Variants in TMEM132C observed in about 807,000 individuals in gnomAD.
TMEM132C encodes the protein protein phosphatase 1, regulatory subunit 152.
Under a neutral mutation model 61.4 loss-of-function variants are expected in TMEM132C, and 29 were observed. That is an observed-to-expected ratio of 0.47 (90% CI 0.35 to 0.64). The LOEUF (loss-of-function observed/expected upper bound fraction) is 0.64. Ranked by LOEUF, TMEM132C falls within the 30% of genes least tolerant of loss-of-function variation. The probability of loss-of-function intolerance (pLI) is 0.00; values close to 1 mark genes in which losing one functional copy is unlikely to be tolerated. For synonymous variants in TMEM132C, 656 were observed against 633.1 expected (o/e 1.04, Z -0.54); for missense variants, 1,408 against 1,476.9 (o/e 0.95, Z 0.76).
At chr12:128,298,960 A>G (rs981713435) in intron 1 of TMEM132C, among the ~76,000 whole-genome samples, 1 of 152,052 alleles carries the variant, frequency 6.6e-6, no homozygotes, top group East Asian at 1.9e-4. Context: ...ATGTACTATC[A>G]TTTCCCCAGT....
intron 4 of TMEM132C, among the ~76,000 whole-genome samples, chr12:128,643,512 C>A (rs562673112): frequency 1.3e-3 from 202 of 151,966 alleles, no homozygotes; most frequent in African/African-American, 4.6e-3. Flanking sequence ...AGCGGCAAGT[C>A]ACATGCTCAG....
At position 128,508,144 on chromosome 12, in the gene TMEM132C, A is replaced by G. The variant is rs541569754; in HGVS notation, c.975-35813A>G. On this transcript the variant is annotated intron_variant, in intron 2 of 8. Transcript: ENST00000435159. ...AGGTTTAATGGACTCACAGTTCCAC[A>G]TGGCTGGGGAGGCCTCACGATCATG... 4.8e-3 allele frequency among the ~76,000 whole-genome samples: 729 copies of G among 152,300 alleles called. 7 individuals carry two copies. The highest frequency in any genetic ancestry group is 0.017 in the African/African-American group (694 of 41,568).
intron 1 of TMEM132C, among the ~76,000 whole-genome samples, chr12:128,363,726 T>C (rs1017730111): frequency 2.6e-5 from 4 of 151,370 alleles, no homozygotes; most frequent in African/African-American, 7.3e-5. Context: ...ATGCCTGTAG[T>C]CCCAGCTACT....
At chr12:128,315,440 A>C (rs1872120763) in intron 1 of TMEM132C, among the ~76,000 whole-genome samples, 1 of 152,058 alleles carries the variant, frequency 6.6e-6, no homozygotes, top group African/African-American at 2.4e-5. Flanking sequence ...TAAAATAAGG[A>C]AGAAAACCGC....
At chr12:128,622,360 A>AAAAAAAATATATATATAT (rs1277080166) in intron 4 of TMEM132C, among the ~76,000 whole-genome samples, 4 of 30,128 alleles carry the variant, frequency 1.3e-4, no homozygotes, top group Non-Finnish European at 1.6e-4. Context: ...AAAAAAAAAA[A>AAAAAAAATATATATATAT]ATATATATAT....
intron 2 of TMEM132C, among the ~76,000 whole-genome samples, chr12:128,487,603 G>GTATA (rs35552118): frequency 0.014 from 1,853 of 136,574 alleles, 24 homozygotes; most frequent in East Asian, 0.068. Context: ...GTGTGTGTGG[G>GTATA]TATATATATA....
intron 1 of TMEM132C, among the ~76,000 whole-genome samples, chr12:128,349,115 TG>T (rs1873260021): frequency 6.6e-6 from 1 of 152,200 alleles, no homozygotes; most frequent in Non-Finnish European, 1.5e-5. Flanking sequence ...GTGATTCTCC[TG>T]GCTCAGCCTC....
rs573129626 is a variant in TMEM132C, at chr12:128,488,695, A to G, written c.975-55262A>G. 3.0e-4 allele frequency among the ~76,000 whole-genome samples: 45 copies of G among 151,732 alleles called. 1 individual carries two copies. The highest frequency in any genetic ancestry group is 9.4e-4 in the African/African-American group (39 of 41,456). On this transcript the variant is annotated intron_variant, in intron 2 of 8. Coordinates refer to ENST00000435159, the MANE Select transcript of TMEM132C (RefSeq NM_001136103.3). ...ATAGAAAGATATTATAAATATTATA[A>G]TACTAAATATTGTATATTAATGTTA...
intron 2 of TMEM132C, among the ~76,000 whole-genome samples, chr12:128,435,340 G>A (rs1869545421): frequency 6.6e-6 from 1 of 152,122 alleles, no homozygotes; most frequent in Admixed American, 6.5e-5. Flanking sequence ...GTTTCAATTA[G>A]GAAAAGAGGA....
At chr12:128,372,988 A>G (rs1356941038) in intron 1 of TMEM132C, among the ~76,000 whole-genome samples, 1 of 152,212 alleles carries the variant, frequency 6.6e-6, no homozygotes, top group Non-Finnish European at 1.5e-5. Context: ...CAGTTCAAAG[A>G]GCATGTGCTT....
intron 5 of TMEM132C, among the ~76,000 whole-genome samples, chr12:128,673,576 T>A (rs182819294): frequency 7.4e-6 from 1 of 134,476 alleles, no homozygotes; most frequent in Non-Finnish European, 1.6e-5. Context: ...CTTCCAAGAC[T>A]GTTCACTATA....
At chr12:128,628,380 A>G (rs1033930326) in intron 4 of TMEM132C, among the ~76,000 whole-genome samples, 2 of 151,852 alleles carry the variant, frequency 1.3e-5, no homozygotes, top group African/African-American at 4.8e-5. Flanking sequence ...TGCACTTACT[A>G]TTTCCTGTAC....
intron 5 of TMEM132C, among the ~76,000 whole-genome samples, chr12:128,686,082 T>TGC (rs1954673055): frequency 1.4e-5 from 2 of 147,056 alleles, no homozygotes; most frequent in Admixed American, 6.6e-5. Context: ...TGTGTGCGCA[T>TGC]GTGTGTTGTG....
At chr12:128,363,784 G>A (rs1873776651) in intron 1 of TMEM132C, among the ~76,000 whole-genome samples, 1 of 150,118 alleles carries the variant, frequency 6.7e-6, no homozygotes, top group Non-Finnish European at 1.5e-5. Flanking sequence ...GGCGGAGGGT[G>A]CAGTGAGCCG....
At chr12:128,396,408 G>C (rs1874958656) in intron 1 of TMEM132C, among the ~76,000 whole-genome samples, 1 of 152,062 alleles carries the variant, frequency 6.6e-6, no homozygotes, top group Non-Finnish European at 1.5e-5. Context: ...CAGGGGAAGA[G>C]AGAGAATTAC....
At chr12:128,292,897 T>A (rs990806373) in intron 1 of TMEM132C, among the ~76,000 whole-genome samples, 1 of 151,182 alleles carries the variant, frequency 6.6e-6, no homozygotes, top group Non-Finnish European at 1.5e-5. Context: ...CTATTCCTAA[T>A]AGAGCACATT....
In TMEM132C at chr12:128,570,594, G is replaced by T. The variant is rs1874843515; in HGVS notation, c.1121+26491G>T. Among the ~76,000 whole-genome samples the T allele has an allele frequency of 6.6e-6, 1 of 152,092 alleles. No individual in the cohort carries two copies. The highest frequency in any genetic ancestry group is 2.4e-5 in the African/African-American group (1 of 41,396). The stretch of plus-strand genomic sequence containing the variant: ...CATGAAGTTCAGAGGCTAGGGTTAG[G>T]CTGTGGCTGGCTCAGTGTCTCCACA... On this transcript the variant is annotated intron_variant, in intron 3 of 8. Coordinates refer to ENST00000435159, the MANE Select transcript of TMEM132C (RefSeq NM_001136103.3). This position sits in a 1 kb window ranked among gnomAD's most constrained non-coding sequence, Gnocchi z 4.7.
intron 3 of TMEM132C, among the ~76,000 whole-genome samples, chr12:128,554,470 C>T (rs1874269695): frequency 6.6e-6 from 1 of 152,198 alleles, no homozygotes; most frequent in Non-Finnish European, 1.5e-5. Flanking sequence ...TTAACATTTG[C>T]TTGGATGTTT....
chr12:128,602,028 G>A (rs1049863719), intron 3 of TMEM132C, among the ~76,000 whole-genome samples: 9 of 152,008 alleles, frequency 5.9e-5, no homozygotes, highest in Admixed American at 2.6e-4. Flanking sequence ...GCAATGTACC[G>A]AGACCCTCTC....
Sources: allele counts gnomAD v4.1 joint callset (sites outside exome capture counted in the v4.1 genomes callset), GRCh38; gene constraint gnomAD v4.1.1; non-coding constraint Gnocchi (gnomAD v3.1); transcripts MANE v1.5; gene names NCBI Gene and HGNC (gene_info 2026-07-23, HGNC 2026-07-21).